Variants in FER1L5 observed in about 807,000 individuals in gnomAD.
FER1L5 encodes the protein fer-1 like family member 5, also known as fer-1-like protein 5.
FER1L5 carries 187 observed loss-of-function variants against 279.9 expected under a neutral mutation model. That is an observed-to-expected ratio of 0.67 (90% CI 0.59 to 0.75). The LOEUF is 0.75. Ranked by LOEUF, FER1L5 falls within the 30% of genes least tolerant of loss-of-function variation. The pLI is 0.00. For synonymous variants in FER1L5, 921 were observed against 989.7 expected, an observed-to-expected ratio of 0.93 and a Z score of 1.30; for missense variants, 2,091 against 2,594.4, an observed-to-expected ratio of 0.81 and a Z score of 4.21.
At chr2:96,697,461 C>A in intron 37 of FER1L5, 65 bp from the exon 38 acceptor site, 1 of 1,568,424 alleles carries the variant, frequency 6.4e-7, no homozygotes, top group South Asian at 1.2e-5. Flanking sequence ...ACCCCCCTCT[C>A]CTCTCTGAAG....
chr2:96,700,394 C>T lies in FER1L5; in HGVS notation c.4993C>T (p.Leu1665=), dbSNP rs750378154. 6.2e-7 allele frequency: 1 copy of T among 1,613,850 alleles called. No individual in the cohort carries two copies. The highest frequency in any genetic ancestry group is 1.1e-5 in the South Asian group (1 of 91,086). ...PKKERLALYL[L]HTQGLVPEHV... Reference sequence around the variant, plus strand: ...GAAGGAACGCCTTGCACTGTACCTCCTGCACACCCAGGGGCTGGTACCTGA... The same window carrying T: ...GAAGGAACGCCTTGCACTGTACCTCTTGCACACCCAGGGGCTGGTACCTGA... Residue 1665 remains leucine, a synonymous_variant, in exon 45 of 53, where the codon CTG becomes TTG. Coordinates refer to ENST00000624922, the MANE Select transcript of FER1L5 (RefSeq NM_001293083.2).
At chr2:96,661,984 C>T (rs59426746) in intron 12 of FER1L5, among the ~76,000 whole-genome samples, 193 bp downstream of exon 12, 9,192 of 152,202 alleles carry the variant, frequency 0.06, 529 homozygotes, top group African/African-American at 0.15. Context: ...ACGGGTCTCA[C>T]ACCCCCAGCC....
At chr2:96,680,453 T>C (rs1194821349) in intron 19 of FER1L5, among the ~76,000 whole-genome samples, 3 of 152,106 alleles carry the variant, frequency 2.0e-5, no homozygotes, top group Non-Finnish European at 4.4e-5. Context: ...CTGTCCTTCA[T>C]ATTTTTAAAT....
chr2:96,649,808 C>G, intron 5 of FER1L5, 131 bp downstream of exon 5: 1 of 878,642 alleles, frequency 1.1e-6, no homozygotes, highest in Admixed American at 2.4e-5. Flanking sequence ...AGGCTAGGGT[C>G]CCTGGAAGCT....
In FER1L5 at chr2:96,689,870, AT is replaced by A; in HGVS notation, c.2640+113del. ...GGGTCTGAGCCCTATGCCCTGCACT[AT>A]GTGTGGGGCCCCGGGTGAGCGCACC... On this transcript the variant is annotated intron_variant, in intron 26 of 52. Transcript: ENST00000624922. This position sits in a 1 kb window ranked among gnomAD's most constrained non-coding sequence, Gnocchi z 4.6. The A allele has an allele frequency of 1.1e-6, 1 of 919,230 alleles. No individual in the cohort carries two copies. 56.9% of individuals were successfully genotyped at this position (919,230 alleles called of 1,614,324 possible).
chr2:96,687,484 G>A (rs1284662974), intron 23 of FER1L5, among the ~76,000 whole-genome samples: 1 of 152,246 alleles, frequency 6.6e-6, no homozygotes, highest in Non-Finnish European at 1.5e-5. Flanking sequence ...TGAGGATCCA[G>A]GACTATGATG....
Position 96,693,862 on chromosome 2 carries a change from T to A in FER1L5, c.3475-49T>A, listed in dbSNP as rs756053755. On this transcript the variant is annotated intron_variant, in intron 32 of 52. Coordinates refer to ENST00000624922, the MANE Select transcript of FER1L5 (RefSeq NM_001293083.2). ...TTGCCTTGAGAAGCCCAGACAGAGC[T>A]GGGCCCTGCCAGCATGGCCTCCATG... 1.7e-5 allele frequency: 26 copies of A among 1,506,922 alleles called. No homozygotes were observed. In the South Asian group the frequency reaches 2.4e-4, roughly 14 times the overall value. 93.3% of individuals were successfully genotyped at this position (1,506,922 alleles called of 1,614,324 possible).
intron 18 of FER1L5, among the ~76,000 whole-genome samples, chr2:96,670,947 A>T (rs998183530): frequency 6.7e-6 from 1 of 150,334 alleles, no homozygotes; most frequent in Non-Finnish European, 1.5e-5. Flanking sequence ...TCTACCAAAA[A>T]AATACAAAAA....
In FER1L5 at chr2:96,663,471, C is replaced by A; in HGVS notation, c.1104C>A (p.Asn368Lys). ...CACACATGCAGACCCAAACCGACAA[C>A]CCGATATGGAACCAGATCCTGACCT... is the stretch of plus-strand genomic sequence containing the variant. ...LRTHMQTQTD[N>K]PIWNQILTFR... Residue 368 changes from asparagine to lysine, a missense_variant, in exon 14 of 53, where the codon AAC (asparagine) becomes AAA (lysine). By Grantham distance (94) the Asn-to-Lys change is moderately conservative. Transcript: ENST00000624922. 1 of 1,551,650 alleles carries A rather than the reference C, an allele frequency of 6.4e-7. No homozygotes were observed. The highest frequency in any genetic ancestry group is 8.7e-7 in the Non-Finnish European group (1 of 1,146,972).
chr2:96,678,027 T>G (rs749114506), intron 19 of FER1L5, among the ~76,000 whole-genome samples: 4 of 152,176 alleles, frequency 2.6e-5, no homozygotes, highest in Non-Finnish European at 4.4e-5. Context: ...TCATCTGTCT[T>G]TATTTAGTAT....
At chr2:96,644,868 G>C (rs923517958) in intron 1 of FER1L5, among the ~76,000 whole-genome samples, 1 of 152,168 alleles carries the variant, frequency 6.6e-6, no homozygotes, top group Admixed American at 6.5e-5. Flanking sequence ...CAGTTAGCCA[G>C]GCAAGGGCCT....
At chr2:96,699,196 C>T (rs1012095886) in intron 42 of FER1L5, 60 bp downstream of exon 42, 26 of 1,521,646 alleles carry the variant, frequency 1.7e-5, no homozygotes, top group East Asian at 4.9e-5. Context: ...CACTGGAAGT[C>T]GGCCGGAGAA....
Position 96,702,248 on chromosome 2 carries a change from C to T in FER1L5, c.5160-58C>T. ...AGCCTCCCAGGCTTCTCTGCCCTCA[C>T]TGAGGCTGCAGCTGGGGAGCTCCTC... On this transcript the variant is annotated intron_variant, in intron 46 of 52. Transcript: ENST00000624922. The surrounding 1 kb of genome is among the most constrained non-coding windows in gnomAD (Gnocchi z 4.0). 6.3e-7 allele frequency: 1 copy of T among 1,584,072 alleles called. No homozygotes were observed. Among genetic ancestry groups the T allele is most frequent in the East Asian group, 2.3e-5 (1 of 43,042 alleles).
chr2:96,679,457 C>T (rs555888881), intron 19 of FER1L5, among the ~76,000 whole-genome samples: 12 of 152,158 alleles, frequency 7.9e-5, no homozygotes, highest in Admixed American at 7.2e-4. Context: ...CTCGTGACCT[C>T]GTGATCCACC....
chr2:96,668,238 G>A (rs997499595), intron 14 of FER1L5, among the ~76,000 whole-genome samples: 11 of 152,080 alleles, frequency 7.2e-5, no homozygotes, highest in Non-Finnish European at 1.5e-4. Context: ...CAAATGGGAG[G>A]CCCAGCTGGG....
chr2:96,656,740 C>T (rs1407061030), intron 9 of FER1L5, among the ~76,000 whole-genome samples: 1 of 151,768 alleles, frequency 6.6e-6, no homozygotes, highest in Non-Finnish European at 1.5e-5. Context: ...TCTGCTCCCC[C>T]ACTTCCTCTT....
chr2:96,697,809 G>T (rs2077439558), intron 39 of FER1L5, 48 bp downstream of exon 39: 2 of 1,591,860 alleles, frequency 1.3e-6, no homozygotes, highest in Non-Finnish European at 1.7e-6. Flanking sequence ...CCCACTGGAG[G>T]AGGCCAGCAG....
rs1436934468 is a variant in FER1L5 at position 96,693,825 on chromosome 2, C to T, written c.3475-86C>T. Reference sequence around the variant, plus strand: ...GACAGCACCATGGAAATTCACCTGCCAGCTGTTGCCCTTGCCTTGAGAAGC... The same window carrying T: ...GACAGCACCATGGAAATTCACCTGCTAGCTGTTGCCCTTGCCTTGAGAAGC... On this transcript the variant is annotated intron_variant, in intron 32 of 52. Transcript: ENST00000624922. 5 of 1,474,874 alleles carry T rather than the reference C, an allele frequency of 3.4e-6. No individual in the cohort carries two copies. In the Admixed American group the frequency reaches 7.2e-5, roughly 21 times the overall value. The allele number at this position is 1,474,874 out of a possible 1,614,324, so 91.4% of individuals were successfully genotyped here.
In FER1L5 at chr2:96,702,670, G is replaced by A. The variant is rs377218922; in HGVS notation, c.5326G>A (p.Asp1776Asn). The A allele has an allele frequency of 4.1e-5, 66 of 1,611,216 alleles. No individual in the cohort carries two copies. The East Asian group carries it at 6.5e-4, about 16-fold the overall frequency. ...CTACCACTCGCTGACTGGGGAGGCC[G>A]ACTTCAACTGGCGGTTCATCTTTAC... ...IHYHSLTGEA[D>N]FNWRFIFTMD... Residue 1776 changes from aspartate to asparagine, a missense_variant, in exon 48 of 53, where the codon GAC becomes AAC. Asp to Asn is a conservative substitution (Grantham distance 23). Coordinates refer to ENST00000624922, the MANE Select transcript of FER1L5 (RefSeq NM_001293083.2). The surrounding 1 kb of genome is among the most constrained non-coding windows in gnomAD (Gnocchi z 4.0).
Sources: allele counts gnomAD v4.1 joint callset (sites outside exome capture counted in the v4.1 genomes callset), GRCh38; gene constraint gnomAD v4.1.1; non-coding constraint Gnocchi (gnomAD v3.1); transcripts MANE v1.5; gene names NCBI Gene and HGNC (gene_info 2026-07-23, HGNC 2026-07-21).